LYPD6B: variants seen among roughly 807,000 people sequenced by gnomAD.
LYPD6B encodes the protein ly6/PLAUR domain-containing protein 6B.
Under a neutral mutation model 22.8 loss-of-function variants are expected in LYPD6B, and 17 were observed. The ratio of observed to expected loss-of-function variants is 0.75; its 90% CI spans 0.51 to 1.12. The LOEUF (loss-of-function observed/expected upper bound fraction) is 1.12, where lower values mean the gene tolerates loss of function less well. LYPD6B is among the 50% of genes most tolerant of loss of function. The pLI, the probability that LYPD6B is intolerant of heterozygous loss-of-function variation, is 0.00. For synonymous variants in LYPD6B, 106 were observed against 91.6 expected, an observed-to-expected ratio of 1.16 and a Z score of -0.90; for missense variants, 221 against 258.3, an observed-to-expected ratio of 0.86 and a Z score of 0.99.
At chr2:149,145,686 C>A (rs1189398470) in intron 2 of LYPD6B, among the ~76,000 whole-genome samples, 1 of 152,196 alleles carries the variant, frequency 6.6e-6, no homozygotes, top group African/African-American at 2.4e-5. Flanking sequence ...GTCCTATGAG[C>A]AGCTAATACT....
Position 149,120,385 on chromosome 2 carries a change from T to A in LYPD6B, c.-66-10498T>A, listed in dbSNP as rs375816343. 3.8e-3 allele frequency among the ~76,000 whole-genome samples: 206 copies of A among 54,564 alleles called. 1 individual carries two copies. Among genetic ancestry groups the A allele is most frequent in the African/African-American group, 6.4e-3 (56 of 8,726 alleles). 35.8% of individuals were successfully genotyped at this position (54,564 alleles called of 152,430 possible). On this transcript the variant is annotated intron_variant, in intron 1 of 6. Transcript: ENST00000409642. ...TGTATATATATATATATATATATAT[T>A]TTTTTTTTTTTTTTTTTGAGATGGA...
At chr2:149,093,426 A>G (rs1358683942) in intron 1 of LYPD6B, among the ~76,000 whole-genome samples, 1 of 152,208 alleles carries the variant, frequency 6.6e-6, no homozygotes, top group Non-Finnish European at 1.5e-5. Flanking sequence ...TTCCATTAAT[A>G]AGACTGGGCA....
In LYPD6B at chr2:149,167,578, G is replaced by C. The variant is rs144725634; in HGVS notation, c.77+6743G>C. On this transcript the variant is annotated intron_variant, in intron 3 of 6. Transcript: ENST00000409642. ...AGACAGCTGGGTCTTCTGGGACAGT[G>C]GGGGAGCAGGCTCAGAAAATTGTGG... 8.5e-5 allele frequency among the ~76,000 whole-genome samples: 13 copies of C among 152,258 alleles called. No individual in the cohort carries two copies. The East Asian group carries it at 2.3e-3, about 27-fold the overall frequency.
At chr2:149,128,340 A>C (rs576192609) in intron 1 of LYPD6B, among the ~76,000 whole-genome samples, 1 of 152,364 alleles carries the variant, frequency 6.6e-6, no homozygotes, top group Admixed American at 6.5e-5. Context: ...CTGACAGGTC[A>C]GTCTTTAATT....
intron 1 of LYPD6B, among the ~76,000 whole-genome samples, chr2:149,113,886 C>T (rs1303846400): frequency 1.3e-5 from 2 of 152,106 alleles, no homozygotes; most frequent in African/African-American, 4.8e-5. Flanking sequence ...AGTGCCTTTG[C>T]TATGTAAGGT....
At chr2:149,207,593 A>G (rs1693581836) in intron 4 of LYPD6B, among the ~76,000 whole-genome samples, 1 of 152,012 alleles carries the variant, frequency 6.6e-6, no homozygotes, top group Non-Finnish European at 1.5e-5. Context: ...TCTTCTTTCC[A>G]TAACAAACTG....
chr2:149,185,033 T>C (rs2106015232), intron 3 of LYPD6B, among the ~76,000 whole-genome samples: 1 of 152,354 alleles, frequency 6.6e-6, no homozygotes, highest in East Asian at 1.9e-4. Flanking sequence ...CATGTCAGGC[T>C]CATTTCTAGG....
intron 1 of LYPD6B, among the ~76,000 whole-genome samples, chr2:149,106,188 G>A (rs946085816): frequency 2.0e-5 from 3 of 151,860 alleles, no homozygotes; most frequent in African/African-American, 7.3e-5. Context: ...GATTCAATTT[G>A]CAAAAATTTG....
chr2:149,136,833 A>G (rs1451097406), intron 2 of LYPD6B, among the ~76,000 whole-genome samples: 5 of 152,214 alleles, frequency 3.3e-5, no homozygotes, highest in African/African-American at 1.2e-4. Flanking sequence ...ATGAAGAGGG[A>G]ACAGTGCTAA....
chr2:149,174,050 G>T (rs536748495), intron 3 of LYPD6B, among the ~76,000 whole-genome samples: 3 of 152,128 alleles, frequency 2.0e-5, no homozygotes, highest in African/African-American at 7.2e-5. Flanking sequence ...CCATTTATTT[G>T]TGTCATCTCT....
At chr2:149,112,415 G>A (rs1168147252) in intron 1 of LYPD6B, among the ~76,000 whole-genome samples, 1 of 151,974 alleles carries the variant, frequency 6.6e-6, no homozygotes, top group Non-Finnish European at 1.5e-5. Flanking sequence ...GATAGAATAT[G>A]GTATACATAG....
At chr2:149,078,216 C>A (rs1398052204) in intron 1 of LYPD6B, among the ~76,000 whole-genome samples, 1 of 152,210 alleles carries the variant, frequency 6.6e-6, no homozygotes, top group Admixed American at 6.5e-5. Context: ...ACCTTGCACC[C>A]TTGCCTCCCT....
intron 2 of LYPD6B, among the ~76,000 whole-genome samples, chr2:149,153,161 G>A (rs1689479825): frequency 6.6e-6 from 1 of 152,188 alleles, no homozygotes; most frequent in Admixed American, 6.5e-5. Context: ...ATATTAACAA[G>A]GCACACGGGT....
intron 3 of LYPD6B, among the ~76,000 whole-genome samples, chr2:149,163,034 A>G (rs1351301393): frequency 1.3e-5 from 2 of 151,814 alleles, no homozygotes. Context: ...TTGCATCTTG[A>G]GAGGGGTCTC....
intron 3 of LYPD6B, among the ~76,000 whole-genome samples, chr2:149,202,205 G>A (rs554127109): frequency 1.3e-5 from 2 of 152,244 alleles, no homozygotes; most frequent in Non-Finnish European, 2.9e-5. Flanking sequence ...CAGAGAAAAA[G>A]CATTCTTGGC....
At chr2:149,059,459 G>A (rs1466528703) in intron 1 of LYPD6B, among the ~76,000 whole-genome samples, 8 of 152,220 alleles carry the variant, frequency 5.3e-5, no homozygotes, top group Non-Finnish European at 1.0e-4. Flanking sequence ...AGAGGAAACC[G>A]TTACGAAAGA....
chr2:149,155,999 CCCTA>C (rs1212930761), intron 2 of LYPD6B, among the ~76,000 whole-genome samples: 2 of 152,120 alleles, frequency 1.3e-5, no homozygotes, highest in Non-Finnish European at 2.9e-5. Flanking sequence ...GGATTTTTAC[CCCTA>C]CTCTTCCTTT....
intron 1 of LYPD6B, among the ~76,000 whole-genome samples, chr2:149,053,802 G>T (rs1683669827): frequency 6.6e-6 from 1 of 152,240 alleles, no homozygotes; most frequent in South Asian, 2.1e-4. Context: ...ATTTGCCTTT[G>T]CCTGCTCTGG....
intron 2 of LYPD6B, among the ~76,000 whole-genome samples, chr2:149,141,183 C>T (rs879735136): frequency 6.6e-6 from 1 of 152,120 alleles, no homozygotes; most frequent in Non-Finnish European, 1.5e-5. Flanking sequence ...GCTTTTGTGA[C>T]TAAGTGACGT....
Sources: gnomAD v4.1 joint callset for allele counts (sites outside exome capture counted in the v4.1 genomes callset) on GRCh38, gnomAD v4.1.1 for gene constraint, MANE v1.5 for transcripts, NCBI Gene and HGNC (gene_info 2026-07-23, HGNC 2026-07-21) for gene names.